Variants in CPAMD8 observed in about 807,000 individuals in gnomAD.
CPAMD8 encodes C3 and PZP like alpha-2-macroglobulin domain containing 8.
Under a neutral mutation model 224.7 loss-of-function variants are expected in CPAMD8, and 146 were observed. That is an observed-to-expected ratio of 0.65 (90% CI 0.57 to 0.75). CPAMD8 has a LOEUF of 0.75. Among genes scored for constraint, CPAMD8 ranks in the 30% least tolerant of loss-of-function variants. The probability of loss-of-function intolerance (pLI) is 0.00; values close to 1 mark genes in which losing one functional copy is unlikely to be tolerated. For synonymous variants in CPAMD8, 966 were observed against 1,044.6 expected (o/e 0.92, Z 1.45); for missense variants, 2,301 against 2,537.5 (o/e 0.91, Z 2.00).
chr19:16,935,451 T>C (rs1339562730), intron 23 of CPAMD8, among the ~76,000 whole-genome samples: 1 of 152,194 alleles, frequency 6.6e-6, no homozygotes, highest in Non-Finnish European at 1.5e-5. Context: ...CAACCACTAA[T>C]ATGACCTCCA....
intron 1 of CPAMD8, among the ~76,000 whole-genome samples, chr19:17,024,799 G>C (rs867570132): frequency 6.6e-6 from 1 of 152,212 alleles, no homozygotes; most frequent in Non-Finnish European, 1.5e-5. Flanking sequence ...ATTGGGGAAA[G>C]GGATGTCTGG....
chr19:16,900,904 C>T (rs987509288), intron 36 of CPAMD8, among the ~76,000 whole-genome samples: 9 of 151,460 alleles, frequency 5.9e-5, no homozygotes, highest in African/African-American at 1.7e-4. Flanking sequence ...CCCAGCTACT[C>T]GGGAGGCTGA....
chr19:17,011,520 GAAGA>G lies in CPAMD8; in HGVS notation c.434-8_434-5del, dbSNP rs1456808601. The G allele has an allele frequency of 6.2e-7, 1 of 1,614,176 alleles. No homozygotes were observed. Among genetic ancestry groups the G allele is most frequent in the Non-Finnish European group, 8.5e-7 (1 of 1,180,038 alleles). On this transcript the variant is annotated splice_region_variant and splice_polypyrimidine_tract_variant and intron_variant, in intron 4 of 41. Transcript: ENST00000443236. ...ACGGTGAAGATGCTTATGAGCACTAGAAGAAAGAAGAGAGGCGTGTGACACCTCC... is the reference window on the plus strand; with the variant it reads ...ACGGTGAAGATGCTTATGAGCACTAGAAGAAGAGAGGCGTGTGACACCTCC...
chr19:16,919,223 G>T (rs2053078474), intron 27 of CPAMD8, among the ~76,000 whole-genome samples: 1 of 150,966 alleles, frequency 6.6e-6, no homozygotes, highest in Non-Finnish European at 1.5e-5. Flanking sequence ...AAAAAAAAAG[G>T]AATAGAATAG....
chr19:16,928,301 G>T, intron 24 of CPAMD8, 67 bp from the exon 25 acceptor site: 1 of 1,326,422 alleles, frequency 7.5e-7, no homozygotes, highest in Non-Finnish European at 1.1e-6. Context: ...AGGTGGCAGT[G>T]ACACCAGCTT....
intron 13 of CPAMD8, among the ~76,000 whole-genome samples, chr19:16,986,504 CAAG>C (rs1332945668): frequency 6.6e-6 from 1 of 152,168 alleles, no homozygotes; most frequent in Non-Finnish European, 1.5e-5. Context: ...AATGGAATTA[CAAG>C]AAGAACAGTG....
At chr19:16,969,886 A>AAC in intron 18 of CPAMD8, among the ~76,000 whole-genome samples, 1 of 149,998 alleles carries the variant, frequency 6.7e-6, no homozygotes, top group East Asian at 2.0e-4. Context: ...AAAAAAAAAA[A>AAC]AAACAAAAAC....
At chr19:16,981,895 G>C (rs1408768374) in intron 13 of CPAMD8, among the ~76,000 whole-genome samples, 1 of 152,206 alleles carries the variant, frequency 6.6e-6, no homozygotes, top group African/African-American at 2.4e-5. Flanking sequence ...AGAGGGTCCT[G>C]AGGCTCCAAT....
intron 18 of CPAMD8, among the ~76,000 whole-genome samples, chr19:16,965,132 C>T (rs892846727): frequency 4.6e-5 from 7 of 151,644 alleles, no homozygotes; most frequent in East Asian, 3.9e-4. Context: ...TAGTGGCGGG[C>T]GCCTGTAGTC....
At chr19:17,025,265 A>C (rs2057048781) in intron 1 of CPAMD8, among the ~76,000 whole-genome samples, 1 of 152,112 alleles carries the variant, frequency 6.6e-6, no homozygotes, top group South Asian at 2.1e-4. Flanking sequence ...ACAAAAAATT[A>C]GCCGGGTGTG....
chr19:17,023,209 T>C (rs1449473535), intron 1 of CPAMD8, among the ~76,000 whole-genome samples: 3 of 152,238 alleles, frequency 2.0e-5, no homozygotes, highest in East Asian at 1.9e-4. Context: ...AGGGAGGCAT[T>C]ACCCCCAGTT....
chr19:16,920,022 AG>A (rs1158132885), intron 27 of CPAMD8, among the ~76,000 whole-genome samples: 1 of 152,128 alleles, frequency 6.6e-6, no homozygotes, highest in Non-Finnish European at 1.5e-5. Flanking sequence ...GACAGAGCTG[AG>A]GTTTGTCCAG....
intron 1 of CPAMD8, among the ~76,000 whole-genome samples, chr19:17,023,555 A>G (rs995304724): frequency 3.3e-5 from 5 of 151,912 alleles, no homozygotes; most frequent in Non-Finnish European, 7.4e-5. Context: ...TCATTTCAAT[A>G]TTTTCTTTTT....
chr19:16,922,294 G>A (rs921242026), intron 26 of CPAMD8, among the ~76,000 whole-genome samples: 2 of 151,696 alleles, frequency 1.3e-5, no homozygotes, highest in East Asian at 3.9e-4. Flanking sequence ...CACATCTGGG[G>A]TCCCTGAAAC....
At chr19:16,904,176 A>AGGCCCCCCCCCCCCCCCCCCACCCCCCCC in intron 32 of CPAMD8, 50 bp downstream of exon 32, 1 of 937,340 alleles carries the variant, frequency 1.1e-6, no homozygotes, top group Non-Finnish European at 1.7e-6. Flanking sequence ...GACTGCAGGG[A>AGGCCCCCCCCCCCCCCCCCCACCCCCCCC]CCCCACCCAC....
intron 13 of CPAMD8, among the ~76,000 whole-genome samples, chr19:16,985,299 A>G (rs906777899): frequency 4.0e-5 from 6 of 151,424 alleles, no homozygotes. Context: ...TGAAGGGTGC[A>G]TGTATGGATG....
chr19:16,896,402 C>T (rs1398703540), intron 40 of CPAMD8, 54 bp downstream of exon 40: 18 of 1,504,580 alleles, frequency 1.2e-5, no homozygotes, highest in Non-Finnish European at 1.4e-5. Context: ...AGATCCGTGG[C>T]CCAGAGCAGC....
At chr19:16,985,115 A>G (rs1387948822) in intron 13 of CPAMD8, among the ~76,000 whole-genome samples, 1 of 152,184 alleles carries the variant, frequency 6.6e-6, no homozygotes, top group East Asian at 1.9e-4. Flanking sequence ...TTAAGTATAC[A>G]TTATGGTCAA....
intron 32 of CPAMD8, 50 bp downstream of exon 32, chr19:16,904,176 A>AGGCCCCCCCCCCCCCCCCCCCCC: frequency 2.1e-6 from 2 of 937,336 alleles, no homozygotes. Context: ...GACTGCAGGG[A>AGGCCCCCCCCCCCCCCCCCCCCC]CCCCACCCAC....
Sources: allele counts gnomAD v4.1 joint callset (sites outside exome capture counted in the v4.1 genomes callset), GRCh38; gene constraint gnomAD v4.1.1; transcripts MANE v1.5; gene names NCBI Gene and HGNC (gene_info 2026-07-23, HGNC 2026-07-21).